CILK1: variants seen among roughly 807,000 people sequenced by gnomAD.
CILK1 encodes serine/threonine-protein kinase ICK.
A neutral mutation model predicts 79.2 loss-of-function variants in CILK1; 47 were observed. The observed-to-expected ratio is 0.59, with a 90% CI of 0.47 to 0.76. The LOEUF is 0.76. Among genes scored for constraint, CILK1 ranks in the 30% least tolerant of loss-of-function variants. CILK1 has a pLI of 0.00. For synonymous variants in CILK1, 266 were observed against 275.9 expected (o/e 0.96, Z 0.36); for missense variants, 660 against 769.5 (o/e 0.86, Z 1.68).
intron 2 of CILK1, among the ~76,000 whole-genome samples, chr6:53,040,567 T>C (rs1766636441): frequency 1.3e-5 from 2 of 152,208 alleles, no homozygotes; most frequent in South Asian, 4.1e-4. Context: ...GCCAACACCT[T>C]GACTACAGCC....
chr6:53,052,427 C>T (rs767920681), intron 1 of CILK1, among the ~76,000 whole-genome samples: 13 of 151,922 alleles, frequency 8.6e-5, no homozygotes, highest in Non-Finnish European at 1.8e-4. Flanking sequence ...GGGCTGAATC[C>T]CAGATTTAAA....
At chr6:53,020,334 A>T (rs1003687188) in intron 5 of CILK1, among the ~76,000 whole-genome samples, 1 of 152,234 alleles carries the variant, frequency 6.6e-6, no homozygotes, top group Non-Finnish European at 1.5e-5. Context: ...TCCTGAGAGT[A>T]TCACCAACCT....
At chr6:53,008,261 A>C (rs955704947) in intron 12 of CILK1, among the ~76,000 whole-genome samples, 2 of 151,964 alleles carry the variant, frequency 1.3e-5, no homozygotes, top group Non-Finnish European at 2.9e-5. Flanking sequence ...TGAAGCAGTG[A>C]TCCAAGATTA....
At chr6:53,018,071 A>G (rs1279643019) in intron 7 of CILK1, among the ~76,000 whole-genome samples, 1 of 152,168 alleles carries the variant, frequency 6.6e-6, no homozygotes, top group African/African-American at 2.4e-5. Flanking sequence ...AGCAATGAGA[A>G]CTGAGAAGTT....
At chr6:53,056,302 T>C (rs1767866088) in intron 1 of CILK1, among the ~76,000 whole-genome samples, 1 of 152,182 alleles carries the variant, frequency 6.6e-6, no homozygotes, top group African/African-American at 2.4e-5. Context: ...AGGCTTAATG[T>C]AAAAATAAAA....
rs531080981 is a variant in CILK1, at chr6:53,061,420, A to G, written c.-173+176T>C. 2.4e-3 allele frequency among the ~76,000 whole-genome samples: 361 copies of G among 152,344 alleles called. 2 individuals are homozygous for G. The highest frequency in any genetic ancestry group is 3.7e-3 in the Non-Finnish European group (249 of 68,030). On this transcript the variant is annotated intron_variant, in intron 1 of 13. Coordinates refer to ENST00000676107, the MANE Select transcript of CILK1 (RefSeq NM_014920.5). ...AATCCTCCAGGCTCCGAGTTTTCAT[A>G]CCAGGAAGGAGAGATCCACAGGATC...
intron 5 of CILK1, among the ~76,000 whole-genome samples, chr6:53,021,170 T>A (rs1765213215): frequency 6.6e-6 from 1 of 152,028 alleles, no homozygotes; most frequent in Non-Finnish European, 1.5e-5. Flanking sequence ...AAAAATATTT[T>A]AAAAATTAGC....
At chr6:53,009,621 A>G (rs1562003088) in intron 11 of CILK1, 54 bp from the exon 12 acceptor site, 4 of 1,427,596 alleles carry the variant, frequency 2.8e-6, no homozygotes, top group Non-Finnish European at 3.9e-6. Context: ...ATCTTACACT[A>G]GACTACAAAG....
rs1309492603 is a variant in CILK1 at position 53,004,571 on chromosome 6, G to A, written c.*578C>T. ...AATAGTCCTTTTAGAACAGCAGAGTGGTATCCAAAAATCAAACCAATGACC... is the reference window on the plus strand; with the variant it reads ...AATAGTCCTTTTAGAACAGCAGAGTAGTATCCAAAAATCAAACCAATGACC... On this transcript the variant is annotated 3_prime_UTR_variant, in exon 14 of 14. Coordinates refer to ENST00000676107, the MANE Select transcript of CILK1 (RefSeq NM_014920.5). 6.5e-6 allele frequency: 1 copy of A among 153,350 alleles called. No individual in the cohort carries two copies. Among genetic ancestry groups the A allele is most frequent in the Non-Finnish European group, 1.5e-5 (1 of 68,654 alleles). The allele number at this position is 153,350 out of a possible 1,614,324, so 9.5% of individuals were successfully genotyped here. A position where few individuals can be genotyped will look rare whatever the true frequency, so the allele number is the denominator to read the frequency against.
intron 1 of CILK1, among the ~76,000 whole-genome samples, chr6:53,051,223 A>G (rs1581765265): frequency 6.6e-6 from 1 of 152,258 alleles, no homozygotes; most frequent in African/African-American, 2.4e-5. Context: ...TGTTAAGGAC[A>G]TGTCACTTAT....
chr6:53,048,080 C>T (rs1201295037), intron 1 of CILK1, among the ~76,000 whole-genome samples: 2 of 152,128 alleles, frequency 1.3e-5, no homozygotes, highest in Non-Finnish European at 2.9e-5. Context: ...TCACATAGAA[C>T]ACAACGTGAA....
At position 53,013,992 on chromosome 6, in the gene CILK1, C is replaced by G; in HGVS notation, c.832-10G>C. On this transcript the variant is annotated splice_polypyrimidine_tract_variant and intron_variant, in intron 8 of 13. Transcript: ENST00000676107. ...AAGGATATCGAAGTGCCTGGAATGACAAATAAGGCTTTAGGAGAAAAGTCT... is the reference window on the plus strand; with the variant it reads ...AAGGATATCGAAGTGCCTGGAATGAGAAATAAGGCTTTAGGAGAAAAGTCT... The G allele has an allele frequency of 6.2e-7, 1 of 1,609,000 alleles. No individual in the cohort carries two copies. The highest frequency in any genetic ancestry group is 1.7e-5 in the Admixed American group (1 of 59,906).
At position 53,032,565 on chromosome 6, in the gene CILK1, C is replaced by T. The variant is rs376082982; in HGVS notation, c.246G>A (p.Met82Ile). Residue 82 changes from methionine (M) to isoleucine (I), a missense_variant, in exon 4 of 14, where the codon ATG (methionine) becomes ATA (isoleucine). By Grantham distance (10) the Met-to-Ile change is conservative (BLOSUM62 1). Coordinates refer to ENST00000676107, the MANE Select transcript of CILK1 (RefSeq NM_014920.5). ...TAATGAGCTGGTAAAGATTTTCCTT[C>T]ATGTACTCGAAGATAAAATAAAGAT... The part of the protein sequence containing the change: ...NDHLYFIFEY[M>I]KENLYQLIKE... 1.2e-6 allele frequency: 2 copies of T among 1,607,862 alleles called. No homozygotes were observed. The highest frequency in any genetic ancestry group is 1.7e-6 in the Non-Finnish European group (2 of 1,175,642).
chr6:53,051,662 T>C (rs909321849), intron 1 of CILK1, among the ~76,000 whole-genome samples: 1 of 152,232 alleles, frequency 6.6e-6, no homozygotes, highest in Non-Finnish European at 1.5e-5. Context: ...TTTCCGATTT[T>C]TTGATTCAAT....
intron 5 of CILK1, among the ~76,000 whole-genome samples, chr6:53,024,525 T>C (rs1446034637): frequency 6.6e-6 from 1 of 152,288 alleles, no homozygotes; most frequent in African/African-American, 2.4e-5. Context: ...GTGTTTCCAT[T>C]TTGGAACTGG....
intron 5 of CILK1, among the ~76,000 whole-genome samples, chr6:53,026,651 T>C (rs1765600751): frequency 6.6e-6 from 1 of 152,196 alleles, no homozygotes; most frequent in Non-Finnish European, 1.5e-5. Context: ...CTCTGATTCG[T>C]AGCAGGGTTC....
chr6:53,032,978 GA>G (rs1302207962), intron 3 of CILK1, among the ~76,000 whole-genome samples: 1 of 152,222 alleles, frequency 6.6e-6, no homozygotes, highest in Non-Finnish European at 1.5e-5. Flanking sequence ...GGCTGTGGAA[GA>G]AGCCAGAGGG....
chr6:53,026,338 G>A (rs1330762901), intron 5 of CILK1, among the ~76,000 whole-genome samples: 3 of 151,956 alleles, frequency 2.0e-5, no homozygotes, highest in African/African-American at 7.3e-5. Context: ...TAGTAGAGAC[G>A]GGGTTTCGCC....
At chr6:53,052,318 C>G (rs894064893) in intron 1 of CILK1, among the ~76,000 whole-genome samples, 1 of 152,128 alleles carries the variant, frequency 6.6e-6, no homozygotes, top group Non-Finnish European at 1.5e-5. Context: ...GCATAGTGAA[C>G]AAGACTTGAC....
Sources: allele counts gnomAD v4.1 joint callset (sites outside exome capture counted in the v4.1 genomes callset), GRCh38; gene constraint gnomAD v4.1.1; transcripts MANE v1.5; gene names NCBI Gene and HGNC (gene_info 2026-07-23, HGNC 2026-07-21).